Variants in ZFHX2 observed in about 807,000 individuals in gnomAD.
The protein encoded by ZFHX2 is zinc finger homeobox 2.
A neutral mutation model predicts 164.8 loss-of-function variants in ZFHX2; 75 were observed. That is an observed-to-expected ratio of 0.46 (90% CI 0.38 to 0.55). ZFHX2 has a LOEUF of 0.55. Ranked by LOEUF, ZFHX2 falls within the 20% of genes least tolerant of loss-of-function variation. The pLI, the probability that ZFHX2 is intolerant of heterozygous loss-of-function variation, is 0.00. For missense variants in ZFHX2, 2,933 were observed against 3,308.0 expected, an observed-to-expected ratio of 0.89 and a Z score of 2.78; for synonymous variants, 1,217 against 1,351.4, an observed-to-expected ratio of 0.90 and a Z score of 2.18.
Position 23,525,906 on chromosome 14 carries a change from G to T in ZFHX2, c.4036C>A (p.Pro1346Thr). The T allele has an allele frequency of 6.8e-7, 1 of 1,467,864 alleles. No homozygotes were observed. The highest frequency in any genetic ancestry group is 2.5e-5 in the East Asian group (1 of 40,436). 90.9% of individuals were successfully genotyped at this position (1,467,864 alleles called of 1,614,324 possible). A position where few individuals can be genotyped will look rare whatever the true frequency, so the allele number is the denominator to read the frequency against. The change falls in exon 9 of 10, where the codon CCC (proline) becomes ACC (threonine). Residue 1346 changes from proline (P) to threonine (T), a missense_variant. Physicochemically the swap from Pro to Thr is conservative, Grantham distance 38. Coordinates refer to ENST00000419474, the MANE Select transcript of ZFHX2 (RefSeq NM_033400.3). The surrounding 1 kb of genome is among the most constrained non-coding windows in gnomAD (Gnocchi z 5.9). Reference protein sequence around the residue: ...PAPLFTPPVLPPFPLVPESLL... With the variant: ...PAPLFTPPVLTPFPLVPESLL... ...GATTCGGGCACCAGAGGGAAGGGGG[G>T]CAGGACTGGTGGGGTGAAGAGAGGG...
chr14:23,527,022 CT>C (rs1414415296), intron 7 of ZFHX2, 49 bp from the exon 8 acceptor site: 13 of 1,460,850 alleles, frequency 8.9e-6, no homozygotes, highest in East Asian at 7.4e-5. Flanking sequence ...CCCACTGCCC[CT>C]ATGCCACTCC....
chr14:23,521,944 C>A lies in ZFHX2; in HGVS notation c.*18G>T. Reference sequence around the variant, plus strand: ...GGAGCCCTGAGGCCCTCCCCTCTCCCCATCTTGGTTAATCTGTTTATAAAG... The same window carrying A: ...GGAGCCCTGAGGCCCTCCCCTCTCCACATCTTGGTTAATCTGTTTATAAAG... On this transcript the variant is annotated 3_prime_UTR_variant, in exon 10 of 10. Transcript: ENST00000419474. 6.5e-7 allele frequency: 1 copy of A among 1,535,766 alleles called. No homozygotes were observed. Among genetic ancestry groups the A allele is most frequent in the South Asian group, 1.2e-5 (1 of 83,784 alleles).
rs1400505168 is a variant in ZFHX2, at chr14:23,523,389, C to T, written c.6553G>A (p.Glu2185Lys). ...KEAVRAQLKS[E>K]SKCYDLAPAP... ...GGGGCCAAGTCGTAGCACTTGCTTTCACTCTTCAGCTGGGCTCGAACCGCC... is the reference window on the plus strand; with the variant it reads ...GGGGCCAAGTCGTAGCACTTGCTTTTACTCTTCAGCTGGGCTCGAACCGCC... The change falls in exon 9 of 10, where the codon GAA (glutamate) becomes AAA (lysine). Residue 2185 changes from glutamate to lysine, a missense_variant. Coordinates refer to ENST00000419474, the MANE Select transcript of ZFHX2 (RefSeq NM_033400.3). The surrounding 1 kb of genome is among the most constrained non-coding windows in gnomAD (Gnocchi z 4.1). The T allele has an allele frequency of 6.0e-6, 9 of 1,502,104 alleles. No individual in the cohort carries two copies. The highest frequency in any genetic ancestry group is 8.0e-6 in the Non-Finnish European group (9 of 1,129,634). 93.0% of individuals were successfully genotyped at this position (1,502,104 alleles called of 1,614,324 possible).
chr14:23,531,727 A>G lies in ZFHX2; in HGVS notation c.2560-6T>C. On this transcript the variant is annotated splice_polypyrimidine_tract_variant and splice_region_variant and intron_variant, in intron 3 of 9. Coordinates refer to ENST00000419474, the MANE Select transcript of ZFHX2 (RefSeq NM_033400.3). ...CCCTCCATGTCCAGCAGAAACTAGA[A>G]CCATGGGAAGAGGCTGGCTCAGGCC... 7.5e-7 allele frequency: 1 copy of G among 1,329,692 alleles called. No homozygotes were observed. 82.4% of individuals were successfully genotyped at this position (1,329,692 alleles called of 1,614,324 possible).
chr14:23,544,702 ATCTCGTTACAC>A (rs1881195018), intron 1 of ZFHX2, among the ~76,000 whole-genome samples: 3 of 151,946 alleles, frequency 2.0e-5, no homozygotes, highest in Non-Finnish European at 4.4e-5. Context: ...AATGAGTGTG[ATCTCGTTACAC>A]TCTCGCTGCC....
chr14:23,531,273 C>T, intron 4 of ZFHX2: 1 of 626,066 alleles, frequency 1.6e-6, no homozygotes, highest in Non-Finnish European at 2.3e-6. Flanking sequence ...AAAGCCCCTG[C>T]CCTTCTTTGC....
At position 23,533,957 on chromosome 14, in the gene ZFHX2, T is replaced by G; in HGVS notation, c.1369A>C (p.Lys457Gln). ...RNSCKTLKCP[K>Q]CNWHYKYQQT... is the part of the protein sequence containing the mutation. ...TGGTACTTGTAGTGCCAGTTGCACT[T>G]GGGACACTTGAGTGTCTTGCAGGAG... The change falls in exon 2 of 10, where the codon AAG becomes CAG. Residue 457 changes from lysine to glutamine, a missense_variant. By Grantham distance (53) the Lys-to-Gln change is moderately conservative. Coordinates refer to ENST00000419474, the MANE Select transcript of ZFHX2 (RefSeq NM_033400.3). The surrounding 1 kb of genome is among the most constrained non-coding windows in gnomAD (Gnocchi z 4.8). 6.5e-7 allele frequency: 1 copy of G among 1,537,864 alleles called. No homozygotes were observed. Among genetic ancestry groups the G allele is most frequent in the Non-Finnish European group, 8.7e-7 (1 of 1,147,036 alleles).
intron 1 of ZFHX2, among the ~76,000 whole-genome samples, chr14:23,549,201 T>C (rs1421028467): frequency 6.6e-6 from 1 of 152,194 alleles, no homozygotes; most frequent in Admixed American, 6.5e-5. Flanking sequence ...CAATTTCTTA[T>C]TAATCACCCC....
chr14:23,548,013 C>G (rs541400345), intron 1 of ZFHX2, among the ~76,000 whole-genome samples: 15 of 152,276 alleles, frequency 9.9e-5, no homozygotes, highest in Middle Eastern at 6.8e-3. Context: ...ATTTCACAAC[C>G]CTTCCCTTTT....
At position 23,548,608 on chromosome 14, in the gene ZFHX2, T is replaced by C. The variant is rs572508699; in HGVS notation, c.-50+2735A>G. Among the ~76,000 whole-genome samples, 55 of 152,298 alleles carry C rather than the reference T, an allele frequency of 3.6e-4. No individual in the cohort carries two copies. In the South Asian group the frequency reaches 0.011, roughly 32 times the overall value. On this transcript the variant is annotated intron_variant, in intron 1 of 9. Transcript: ENST00000419474. ...TCAAGTTCCTCTCAGCTGAAGTTTA[T>C]GGGAATTCTACTTTTTCATCTCTTT...
At chr14:23,545,016 C>G (rs1299035846) in intron 1 of ZFHX2, among the ~76,000 whole-genome samples, 1 of 152,048 alleles carries the variant, frequency 6.6e-6, no homozygotes, top group Non-Finnish European at 1.5e-5. Context: ...CTCCTCTTCT[C>G]TTCACTCATC....
upstream of ZFHX2, among the ~76,000 whole-genome samples, chr14:23,553,344 A>C (rs1882110808): frequency 6.6e-6 from 1 of 152,192 alleles, no homozygotes; most frequent in Non-Finnish European, 1.5e-5. Context: ...TCACTCCTGT[A>C]ATCCCAGCAC....
In ZFHX2 at chr14:23,521,037, G is replaced by C. The variant is rs1240519614; in HGVS notation, c.*925C>G. ...TTGAAAGAACTTTGGATTTGCCGTT[G>C]GTGGGCAGTGCCTGTCCCTGGAGGC... On this transcript the variant is annotated 3_prime_UTR_variant, in exon 10 of 10. Coordinates refer to ENST00000419474, the MANE Select transcript of ZFHX2 (RefSeq NM_033400.3). 6.6e-6 allele frequency: 1 copy of C among 151,818 alleles called. No homozygotes were observed. Among genetic ancestry groups the C allele is most frequent in the Non-Finnish European group, 1.5e-5 (1 of 68,014 alleles). 9.4% of individuals were successfully genotyped at this position (151,818 alleles called of 1,614,324 possible).
chr14:23,548,714 G>C (rs538461371), intron 1 of ZFHX2, among the ~76,000 whole-genome samples: 12 of 152,162 alleles, frequency 7.9e-5, no homozygotes, highest in Non-Finnish European at 1.0e-4. Context: ...ATGAATGCTC[G>C]TGAGGTTCTC....
chr14:23,522,661 C>T lies in ZFHX2; in HGVS notation c.7020G>A (p.Leu2340=). The T allele has an allele frequency of 6.5e-7, 1 of 1,536,396 alleles. No homozygotes were observed. The highest frequency in any genetic ancestry group is 8.7e-7 in the Non-Finnish European group (1 of 1,146,888). Residue 2340 remains leucine, a synonymous_variant, in exon 10 of 10, where the codon CTG becomes CTA. Transcript: ENST00000419474. ...GAAAGGGCAGGAACTGGCCCCCCAA[C>T]AGGGCTGGGACAGTGGTCTTCAATG... is the stretch of plus-strand genomic sequence containing the variant. The part of the protein sequence containing the change: ...LKALKTTVPA[L]LGGQFLPFPL...
chr14:23,551,454 T>C lies in ZFHX2; in HGVS notation c.-161A>G, dbSNP rs1881941527. ...ACTTCTCCGATGTGTTGATTCCTCT[T>C]TTTTCCCCTCCTCCTCCCTCCCTCC... On this transcript the variant is annotated 5_prime_UTR_variant, in exon 1 of 10. Coordinates refer to ENST00000419474, the MANE Select transcript of ZFHX2 (RefSeq NM_033400.3). This position sits in a 1 kb window ranked among gnomAD's most constrained non-coding sequence, Gnocchi z 5.3. The C allele has an allele frequency of 6.6e-6, 1 of 151,724 alleles. No individual in the cohort carries two copies. Among genetic ancestry groups the C allele is most frequent in the Non-Finnish European group, 1.5e-5 (1 of 67,794 alleles). 9.4% of individuals were successfully genotyped at this position (151,724 alleles called of 1,614,324 possible).
chr14:23,523,472 A>T lies in ZFHX2; in HGVS notation c.6470T>A (p.Phe2157Tyr). Residue 2157 changes from phenylalanine to tyrosine, a missense_variant, in exon 9 of 10, where the codon TTC becomes TAC. Phe to Tyr is a conservative substitution (Grantham distance 22, BLOSUM62 3). Transcript: ENST00000419474. The surrounding 1 kb of genome is among the most constrained non-coding windows in gnomAD (Gnocchi z 4.1). ...DCPYCDVKYD[F>Y]YVSCRGHLFS... ...GAGATGGCCTCGGCAGGAGACATAG[A>T]AATCATACTTGACATCACAATAGGG... The T allele has an allele frequency of 6.5e-7, 1 of 1,536,184 alleles. No individual in the cohort carries two copies.
In ZFHX2 at chr14:23,522,724, G is replaced by A; in HGVS notation, c.6957C>T (p.Pro2319=). The part of the protein sequence containing the change: ...VSSERKPVAG[P]TSSSNDALKN... ...TGAGGGCATCATTGGAGGAGCTGGT[G>A]GGGCCTGCAACTGGCTTTCGCTCAC... The change falls in exon 10 of 10, where the codon CCC becomes CCT. Residue 2319 remains proline, a synonymous_variant. Transcript: ENST00000419474. The A allele has an allele frequency of 6.5e-7, 1 of 1,536,596 alleles. No homozygotes were observed. Among genetic ancestry groups the A allele is most frequent in the African/African-American group, 1.4e-5 (1 of 73,156 alleles).
At position 23,526,486 on chromosome 14, in the gene ZFHX2, C is replaced by T; in HGVS notation, c.3456G>A (p.Gly1152=). 2.0e-6 allele frequency: 3 copies of T among 1,536,018 alleles called. No homozygotes were observed. Among genetic ancestry groups the T allele is most frequent in the Non-Finnish European group, 1.7e-6 (2 of 1,146,884 alleles). The change falls in exon 9 of 10, where the codon GGG becomes GGA. Residue 1152 remains glycine, a synonymous_variant. Transcript: ENST00000419474. ...PPPTMAEEEE[G]TTGELRSAEP... ...CTGCAGAGCGGAGCTCCCCAGTGGT[C>T]CCCTCTTCCTCCTCAGCCATGGTGG...
Sources: gnomAD v4.1 joint callset for allele counts (sites outside exome capture counted in the v4.1 genomes callset) on GRCh38, gnomAD v4.1.1 for gene constraint, Gnocchi (gnomAD v3.1) non-coding constraint, MANE v1.5 for transcripts, NCBI Gene and HGNC (gene_info 2026-07-23, HGNC 2026-07-21) for gene names.